Variants in NFYC observed in about 807,000 individuals in gnomAD.
NFYC encodes the protein nuclear transcription factor Y subunit gamma.
Under a neutral mutation model 53.1 loss-of-function variants are expected in NFYC, and 25 were observed. The ratio of observed to expected loss-of-function variants is 0.47; its 90% confidence interval spans 0.34 to 0.66. The LOEUF is 0.66. Ranked by LOEUF, NFYC falls within the 30% of genes least tolerant of loss-of-function variation. NFYC has a pLI of 0.01. For synonymous variants in NFYC, 145 were observed against 152.6 expected (o/e 0.95, Z 0.37); for missense variants, 260 against 422.7 (o/e 0.62, Z 3.38).
At position 40,716,708 on chromosome 1, in the gene NFYC, G is replaced by A. The variant is rs558795036; in HGVS notation, c.-8-22128G>A. ...CATAAAGGGCTTAGAATTGTACGTG[G>A]CACACAGTAACTCCTAATGAACATT... On this transcript the variant is annotated intron_variant, in intron 1 of 9. Transcript: ENST00000447388. Among the ~76,000 whole-genome samples, 7 of 152,210 alleles carry A rather than the reference G, an allele frequency of 4.6e-5. No individual in the cohort carries two copies. In the South Asian group the frequency reaches 1.0e-3, roughly 23 times the overall value.
intron 2 of NFYC, among the ~76,000 whole-genome samples, chr1:40,740,228 A>G (rs4660450): frequency 0.88 from 133,481 of 152,158 alleles, 58,664 homozygotes; most frequent in East Asian, 0.98. Flanking sequence ...CAATTGCTTA[A>G]GGTTAGTGAC....
chr1:40,751,813 A>T (rs12567755), intron 4 of NFYC, among the ~76,000 whole-genome samples: 32,563 of 151,992 alleles, frequency 0.21, 4,129 homozygotes, highest in South Asian at 0.42. Flanking sequence ...TGAGCCATTT[A>T]GATAGATTGA....
At chr1:40,752,539 C>G (rs536553870) in intron 4 of NFYC, among the ~76,000 whole-genome samples, 90 of 152,208 alleles carry the variant, frequency 5.9e-4, no homozygotes, top group African/African-American at 2.1e-3. Context: ...TCTCTTGCTG[C>G]TGTTCATAGC....
chr1:40,736,820 CAAAAAAAAAAA>C (rs71060396), intron 1 of NFYC, among the ~76,000 whole-genome samples: 65 of 63,686 alleles, frequency 1.0e-3, no homozygotes, highest in African/African-American at 2.3e-3. Flanking sequence ...AAACTTATTC[CAAAAAAAAAAA>C]AAAAAAAAAA....
chr1:40,732,261 A>G (rs1222142913), intron 1 of NFYC, among the ~76,000 whole-genome samples: 1 of 152,260 alleles, frequency 6.6e-6, no homozygotes, highest in East Asian at 1.9e-4. Context: ...GCTGAACTGA[A>G]GTCTAAAGGT....
chr1:40,724,828 G>A (rs971408527), intron 1 of NFYC, among the ~76,000 whole-genome samples: 1 of 152,158 alleles, frequency 6.6e-6, no homozygotes, highest in African/African-American at 2.4e-5. Flanking sequence ...AGGAAAAGTG[G>A]CTCTTCTGCC....
At chr1:40,745,321 A>T (rs1645554595) in intron 2 of NFYC, among the ~76,000 whole-genome samples, 1 of 152,190 alleles carries the variant, frequency 6.6e-6, no homozygotes, top group Non-Finnish European at 1.5e-5. Flanking sequence ...TAAATGTATG[A>T]TCATCTTGTG....
intron 5 of NFYC, chr1:40,757,851 G>A (rs1434193021): frequency 3.7e-6 from 2 of 535,040 alleles, no homozygotes; most frequent in African/African-American, 3.8e-5. Flanking sequence ...GTACTTATTT[G>A]CCCGTTTGCA....
chr1:40,762,949 C>T lies in NFYC; in HGVS notation c.623C>T (p.Pro208Leu), dbSNP rs767350562. 6.2e-7 allele frequency: 1 copy of T among 1,611,362 alleles called. No individual in the cohort carries two copies. Among genetic ancestry groups the T allele is most frequent in the South Asian group, 1.1e-5 (1 of 90,770 alleles). The change falls in exon 7 of 10, where the codon CCA becomes CTA. Residue 208 changes from proline to leucine, a missense_variant. Pro to Leu is a moderately conservative substitution (Grantham distance 98, BLOSUM62 -3). Transcript: ENST00000447388. ...CAGGTGCAGATTGTCCAGGCTCAGC[C>T]ACAGGGTCAAGCCCAACAGGCCCAG... The part of the protein sequence containing the change: ...GQQVQIVQAQ[P>L]QGQAQQAQSG...
At position 40,691,705 on chromosome 1, in the gene NFYC, C is replaced by T. The variant is rs1193102872; in HGVS notation, c.-171C>T. 1.1e-5 allele frequency: 5 copies of T among 453,578 alleles called. No homozygotes were observed. In the East Asian group the frequency reaches 2.9e-4, roughly 26 times the overall value. The allele number at this position is 453,578 out of a possible 1,614,324, so 28.1% of individuals were successfully genotyped here. On this transcript the variant is annotated 5_prime_UTR_variant, in exon 1 of 10. Coordinates refer to ENST00000447388, the MANE Select transcript of NFYC (RefSeq NM_014223.5). ...GGGGAAGGGAAAAGGGGAAACGGTG[C>T]AAACGGCGTGGCCGCCATCTTGCTT...
At chr1:40,744,218 T>G (rs1423868272) in intron 2 of NFYC, among the ~76,000 whole-genome samples, 1 of 152,166 alleles carries the variant, frequency 6.6e-6, no homozygotes, top group East Asian at 1.9e-4. Flanking sequence ...GGTAGCACAC[T>G]CCTTATGAGA....
chr1:40,754,735 G>C (rs370173939), intron 5 of NFYC, among the ~76,000 whole-genome samples: 1 of 152,120 alleles, frequency 6.6e-6, no homozygotes, highest in East Asian at 1.9e-4. Flanking sequence ...TGGGCTGCCT[G>C]CTGAATACAC....
At position 40,771,602 on chromosome 1, in the gene NFYC, A is replaced by T; in HGVS notation, c.*774A>T. The T allele has an allele frequency of 3.0e-6, 1 of 334,914 alleles. No individual in the cohort carries two copies. The highest frequency in any genetic ancestry group is 4.0e-4 in the Middle Eastern group (1 of 2,502). 20.7% of individuals were successfully genotyped at this position (334,914 alleles called of 1,614,324 possible). On this transcript the variant is annotated 3_prime_UTR_variant, in exon 10 of 10. Coordinates refer to ENST00000447388, the MANE Select transcript of NFYC (RefSeq NM_014223.5). ...AAATGCAATAAATCTCATTTTAGATAATTTAGAGTCTGGGTTTCTGTGTCT... is the reference window on the plus strand; with the variant it reads ...AAATGCAATAAATCTCATTTTAGATTATTTAGAGTCTGGGTTTCTGTGTCT...
intron 1 of NFYC, among the ~76,000 whole-genome samples, chr1:40,705,786 G>A (rs984295908): frequency 3.3e-5 from 5 of 151,940 alleles, no homozygotes; most frequent in East Asian, 1.9e-4. Context: ...TCACTCTGTC[G>A]CCCAGGCTGG....
chr1:40,727,691 C>T (rs905978467), intron 1 of NFYC, among the ~76,000 whole-genome samples: 5 of 151,882 alleles, frequency 3.3e-5, no homozygotes, highest in East Asian at 1.9e-4. Flanking sequence ...CCACCATGCC[C>T]GGCTAATTTT....
Position 40,758,190 on chromosome 1 carries a change from A to G in NFYC, c.457A>G (p.Thr153Ala). 4 of 1,612,664 alleles carry G rather than the reference A, an allele frequency of 2.5e-6. No homozygotes were observed. The highest frequency in any genetic ancestry group is 3.4e-6 in the Non-Finnish European group (4 of 1,179,978). ...QYYFTLAQQP[T>A]AVQVQGQQQG... ...CTATTTCACGCTGGCTCAGCAACCC[A>G]CCGCTGTCCAAGTCCAGGGCCAGCA... The change falls in exon 6 of 10, where the codon ACC becomes GCC. Residue 153 changes from threonine (T) to alanine (A), a missense_variant. Thr to Ala is a moderately conservative substitution (Grantham distance 58). Transcript: ENST00000447388.
In NFYC at chr1:40,770,368, G is replaced by A; in HGVS notation, c.889-341G>A. The A allele has an allele frequency of 6.5e-7, 1 of 1,528,858 alleles. No homozygotes were observed. Among genetic ancestry groups the A allele is most frequent in the Non-Finnish European group, 8.8e-7 (1 of 1,132,374 alleles). The allele number at this position is 1,528,858 out of a possible 1,614,324, so 94.7% of individuals were successfully genotyped here. On this transcript the variant is annotated intron_variant, in intron 9 of 9. Transcript: ENST00000447388. The surrounding 1 kb of genome is among the most constrained non-coding windows in gnomAD (Gnocchi z 5.3). ...TGCTGACTTCCAAGCTGCTGGTACA[G>A]TGGTTCGAATTGCTTGTGTTTGCCA...
At chr1:40,733,967 G>T (rs1644896867) in intron 1 of NFYC, among the ~76,000 whole-genome samples, 1 of 152,124 alleles carries the variant, frequency 6.6e-6, no homozygotes, top group Non-Finnish European at 1.5e-5. Flanking sequence ...GGCTGGTCTT[G>T]AACTCCTGAC....
intron 1 of NFYC, among the ~76,000 whole-genome samples, chr1:40,699,667 C>A (rs1195762591): frequency 2.0e-5 from 3 of 152,086 alleles, no homozygotes; most frequent in Non-Finnish European, 4.4e-5. Flanking sequence ...GAAAGGAAAA[C>A]GCCATAATGT....
Sources: gnomAD v4.1 joint callset for allele counts (sites outside exome capture counted in the v4.1 genomes callset) on GRCh38, gnomAD v4.1.1 for gene constraint, Gnocchi (gnomAD v3.1) non-coding constraint, MANE v1.5 for transcripts, NCBI Gene and HGNC (gene_info 2026-07-23, HGNC 2026-07-21) for gene names.